The following DCC variants were observed in gnomAD, a reference collection of about 807,000 sequenced individuals.
The protein encoded by DCC is DCC netrin 1 receptor, also known as netrin receptor DCC.
DCC carries 58 observed loss-of-function variants against 172.5 expected under a neutral mutation model. That is an observed-to-expected ratio of 0.34 (90% CI 0.27 to 0.42). The LOEUF is 0.42. Ranked by LOEUF, DCC falls within the 10% of genes least tolerant of loss-of-function variation. The pLI is 1.00. For missense variants in DCC, 1,740 were observed against 1,791.0 expected (o/e 0.97, Z 0.51); for synonymous variants, 709 against 644.5 (o/e 1.10, Z -1.52).
intron 1 of DCC, among the ~76,000 whole-genome samples, chr18:52,613,123 T>C (rs1402515758): frequency 6.6e-6 from 1 of 152,256 alleles, no homozygotes; most frequent in Non-Finnish European, 1.5e-5. Flanking sequence ...GTGATAGGGA[T>C]GCTTCATTTG....
chr18:53,057,828 A>T (rs1456501965), intron 5 of DCC, among the ~76,000 whole-genome samples: 1 of 152,128 alleles, frequency 6.6e-6, no homozygotes, highest in East Asian at 1.9e-4. Context: ...GTGCAAAGGG[A>T]TTTAAAAAAC....
At chr18:52,627,113 A>G (rs2034588910) in intron 1 of DCC, among the ~76,000 whole-genome samples, 1 of 152,126 alleles carries the variant, frequency 6.6e-6, no homozygotes, top group Non-Finnish European at 1.5e-5. Context: ...TTCCTATTTT[A>G]CATCTTACTT....
intron 3 of DCC, among the ~76,000 whole-genome samples, chr18:52,911,998 T>A (rs951988498): frequency 1.3e-5 from 2 of 152,012 alleles, no homozygotes; most frequent in Non-Finnish European, 2.9e-5. Flanking sequence ...GGTCTGCATA[T>A]GGACTCTCAC....
At chr18:52,993,354 G>T (rs1251878188) in intron 5 of DCC, among the ~76,000 whole-genome samples, 1 of 152,074 alleles carries the variant, frequency 6.6e-6, no homozygotes, top group Non-Finnish European at 1.5e-5. Flanking sequence ...AATGTGCTTG[G>T]CGGTGGAAGA....
chr18:52,755,551 T>C (rs2037064585), intron 2 of DCC, among the ~76,000 whole-genome samples: 1 of 152,170 alleles, frequency 6.6e-6, no homozygotes, highest in Non-Finnish European at 1.5e-5. Context: ...ACAGAATACA[T>C]CAATGTTATG....
At chr18:52,548,832 T>G (rs1379838885) in intron 1 of DCC, among the ~76,000 whole-genome samples, 2 of 152,168 alleles carry the variant, frequency 1.3e-5, no homozygotes, top group Non-Finnish European at 1.5e-5. Flanking sequence ...TATTACCCAA[T>G]AAAGTATCTG....
chr18:52,615,840 T>C (rs1397649123), intron 1 of DCC, among the ~76,000 whole-genome samples: 1 of 152,256 alleles, frequency 6.6e-6, no homozygotes. Flanking sequence ...TAGAAAAAGA[T>C]GTAATATACT....
intron 5 of DCC, among the ~76,000 whole-genome samples, chr18:52,961,968 T>G (rs1422810203): frequency 6.6e-6 from 1 of 152,160 alleles, no homozygotes; most frequent in Non-Finnish European, 1.5e-5. Flanking sequence ...CAAGATGGAT[T>G]AAAGACTTAA....
At chr18:53,205,598 G>A (rs1005220460) in intron 10 of DCC, among the ~76,000 whole-genome samples, 29 of 152,180 alleles carry the variant, frequency 1.9e-4, no homozygotes, top group Admixed American at 1.0e-3. Context: ...TCAATAGAAA[G>A]GATACCAATT....
At chr18:52,751,150 A>G (rs945437565) in intron 1 of DCC, among the ~76,000 whole-genome samples, 1 of 152,224 alleles carries the variant, frequency 6.6e-6, no homozygotes, top group South Asian at 2.1e-4. Flanking sequence ...TCAAAATGAA[A>G]TTGAAAGTAA....
chr18:53,394,776 C>G (rs1908808847), intron 17 of DCC, among the ~76,000 whole-genome samples: 1 of 152,146 alleles, frequency 6.6e-6, no homozygotes. Context: ...CTATGCTTTA[C>G]TTGTCTTAGT....
intron 27 of DCC, among the ~76,000 whole-genome samples, chr18:53,513,555 T>C: frequency 6.6e-6 from 1 of 152,154 alleles, no homozygotes; most frequent in Non-Finnish European, 1.5e-5. Context: ...CAGTGTGCTG[T>C]ATTCAGGAAA....
At chr18:53,111,867 G>A (rs1222209803) in intron 7 of DCC, among the ~76,000 whole-genome samples, 2 of 151,606 alleles carry the variant, frequency 1.3e-5, no homozygotes, top group Non-Finnish European at 3.0e-5. Context: ...TAGTTGTTTT[G>A]CAATTTGCAG....
chr18:52,618,939 T>C (rs2034432423), intron 1 of DCC, among the ~76,000 whole-genome samples: 1 of 152,156 alleles, frequency 6.6e-6, no homozygotes, highest in South Asian at 2.1e-4. Context: ...ACATTTCATC[T>C]TTTTATTTTT....
At chr18:52,891,046 TAAG>T (rs567660874) in intron 2 of DCC, among the ~76,000 whole-genome samples, 137 of 152,196 alleles carry the variant, frequency 9.0e-4, no homozygotes, top group African/African-American at 3.0e-3. Flanking sequence ...GTAAAATTAA[TAAG>T]AAGGCTCAAT....
chr18:53,151,211 G>C (rs760520166), intron 7 of DCC, among the ~76,000 whole-genome samples: 4 of 152,180 alleles, frequency 2.6e-5, no homozygotes, highest in Non-Finnish European at 5.9e-5. Flanking sequence ...GATAGTTAAT[G>C]TACAAATTAA....
intron 5 of DCC, among the ~76,000 whole-genome samples, chr18:52,958,535 G>C (rs552036945): frequency 6.6e-6 from 1 of 152,170 alleles, no homozygotes; most frequent in African/African-American, 2.4e-5. Context: ...GGATACAAGA[G>C]ACAGGAAAAG....
rs1555682869 is a variant in DCC at position 52,927,168 on chromosome 18, T to TATATATGTGTATATATAC, written c.985+1798_985+1799insATATATGTGTATATATAC. Among the ~76,000 whole-genome samples the TATATATGTGTATATATAC allele has an allele frequency of 7.3e-5, 6 of 82,452 alleles. 1 individual carries two copies. The highest frequency in any genetic ancestry group is 1.0e-4 in the Non-Finnish European group (4 of 38,368). The allele number at this position is 82,452 out of a possible 152,430, so 54.1% of individuals were successfully genotyped here. On this transcript the variant is annotated intron_variant, in intron 5 of 28. Transcript: ENST00000442544. ...ATATGTGTATATATACGTATATATG[T>TATATATGTGTATATATAC]GTATATATGTGTATATATACGTATA... is the stretch of plus-strand genomic sequence containing the variant.
rs1271449930 is a variant in DCC, at chr18:52,773,844, T to TATATATA, written c.412+21470_412+21471insATATATA. On this transcript the variant is annotated intron_variant, in intron 2 of 28. Transcript: ENST00000442544. The stretch of plus-strand genomic sequence containing the variant: ...GTGCCCAGCCCATATATATATATAT[T>TATATATA]TTTTAAAGGTGGGAGTATATATACA... 2.0e-4 allele frequency among the ~76,000 whole-genome samples: 31 copies of TATATATA among 151,280 alleles called. No homozygotes were observed. In the East Asian group the frequency reaches 2.9e-3, roughly 14 times the overall value.
Sources: gnomAD v4.1 joint callset for allele counts (sites outside exome capture counted in the v4.1 genomes callset) on GRCh38, gnomAD v4.1.1 for gene constraint, MANE v1.5 for transcripts, NCBI Gene and HGNC (gene_info 2026-07-23, HGNC 2026-07-21) for gene names.